Variants in SLC38A11 observed in about 807,000 individuals in gnomAD.
SLC38A11 encodes the protein putative sodium-coupled neutral amino acid transporter 11.
SLC38A11 carries 51 observed loss-of-function variants against 49.4 expected under a neutral mutation model. The ratio of observed to expected loss-of-function variants is 1.03; its 90% CI spans 0.83 to 1.30. SLC38A11 has a LOEUF of 1.30. Ranked by LOEUF, SLC38A11 falls within the 50% of genes most tolerant of loss-of-function variation. The probability of loss-of-function intolerance (pLI) is 0.00; values close to 1 mark genes in which losing one functional copy is unlikely to be tolerated. For missense variants in SLC38A11, 574 were observed against 556.2 expected (o/e 1.03, Z -0.32); for synonymous variants, 203 against 192.9 (o/e 1.05, Z -0.43).
At chr2:164,899,519 G>A (rs77783465) in intron 11 of SLC38A11, among the ~76,000 whole-genome samples, 2,304 of 152,072 alleles carry the variant, frequency 0.015, 58 homozygotes, top group African/African-American at 0.053. Context: ...TAGAAACTTA[G>A]CAAATAATAT....
At chr2:164,901,817 T>TC (rs1281576684) in intron 11 of SLC38A11, among the ~76,000 whole-genome samples, 9 of 152,116 alleles carry the variant, frequency 5.9e-5, no homozygotes, top group Admixed American at 5.9e-4. Context: ...AGAGTGGGTA[T>TC]CCTTACCTTT....
intron 9 of SLC38A11, among the ~76,000 whole-genome samples, chr2:164,912,594 T>G (rs548221982): frequency 6.6e-6 from 1 of 152,236 alleles, no homozygotes; most frequent in East Asian, 1.9e-4. Flanking sequence ...TAGGGTTTCA[T>G]CCCAACCTTG....
chr2:164,915,345 G>A, intron 8 of SLC38A11, 72 bp from the exon 9 acceptor site: 1 of 1,336,178 alleles, frequency 7.5e-7, no homozygotes, highest in Non-Finnish European at 1.0e-6. Context: ...GAAATTCAGA[G>A]ATATATACTA....
At chr2:164,910,058 A>G (rs1685291914) in intron 10 of SLC38A11, among the ~76,000 whole-genome samples, 1 of 152,002 alleles carries the variant, frequency 6.6e-6, no homozygotes, top group Non-Finnish European at 1.5e-5. Flanking sequence ...TGCTTTTATG[A>G]ATTGAAACAG....
At chr2:164,927,386 CAGTTTTTCAAAAGAG>C (rs1489721764) in intron 7 of SLC38A11, among the ~76,000 whole-genome samples, 2 of 152,126 alleles carry the variant, frequency 1.3e-5, no homozygotes, top group African/African-American at 4.8e-5. Flanking sequence ...CCAATTTCAG[CAGTTTTTCAAAAGAG>C]ATAATATGGA....
rs1687966361 is a variant in SLC38A11 at position 164,944,301 on chromosome 2, T to A, written c.430+268A>T. Among the ~76,000 whole-genome samples, 3 of 152,186 alleles carry A rather than the reference T, an allele frequency of 2.0e-5. No homozygotes were observed. In the South Asian group the frequency reaches 6.2e-4, roughly 32 times the overall value. ...AAATGTTTGCCCAGAGAGCTGGTGATATGAAGCATAAAAAATTTAAAATAT... is the reference window on the plus strand; with the variant it reads ...AAATGTTTGCCCAGAGAGCTGGTGAAATGAAGCATAAAAAATTTAAAATAT... On this transcript the variant is annotated intron_variant, in intron 5 of 11. Coordinates refer to ENST00000685975, the MANE Select transcript of SLC38A11 (RefSeq NM_001351537.2).
intron 5 of SLC38A11, among the ~76,000 whole-genome samples, chr2:164,940,756 A>G (rs1687711623): frequency 6.6e-6 from 1 of 150,568 alleles, no homozygotes; most frequent in Non-Finnish European, 1.5e-5. Flanking sequence ...TGATGTATAT[A>G]TATATGTGTA....
At chr2:164,930,020 T>C (rs1388624256) in intron 7 of SLC38A11, among the ~76,000 whole-genome samples, 1 of 148,206 alleles carries the variant, frequency 6.7e-6, no homozygotes, top group African/African-American at 2.5e-5. Flanking sequence ...CTAATAAAGA[T>C]GAAAAGCAAG....
intron 7 of SLC38A11, among the ~76,000 whole-genome samples, chr2:164,934,042 A>T (rs1687189474): frequency 6.6e-6 from 1 of 152,122 alleles, no homozygotes; most frequent in Admixed American, 6.6e-5. Flanking sequence ...TGACAACAGA[A>T]CTAAATAGCT....
intron 11 of SLC38A11, among the ~76,000 whole-genome samples, chr2:164,905,295 T>C (rs1359390072): frequency 1.3e-5 from 2 of 151,846 alleles, no homozygotes; most frequent in African/African-American, 2.4e-5. Flanking sequence ...TATTTTCTCT[T>C]TTTTTTGGTA....
At chr2:164,909,874 T>A (rs1685276773) in intron 10 of SLC38A11, among the ~76,000 whole-genome samples, 1 of 152,074 alleles carries the variant, frequency 6.6e-6, no homozygotes, top group African/African-American at 2.4e-5. Flanking sequence ...CTGCCATGAC[T>A]TTGCTAATAA....
intron 3 of SLC38A11, chr2:164,950,282 A>G (rs746974612): frequency 3.3e-5 from 5 of 152,176 alleles, no homozygotes; most frequent in Non-Finnish European, 7.3e-5. Context: ...TTTATATACA[A>G]TTTATATACT....
At chr2:164,949,756 C>T (rs1339520359) in intron 3 of SLC38A11, among the ~76,000 whole-genome samples, 2 of 152,162 alleles carry the variant, frequency 1.3e-5, no homozygotes, top group African/African-American at 4.8e-5. Context: ...GGTGTGAAAG[C>T]TTATTCTCTC....
chr2:164,902,658 TA>T (rs2105444343), intron 11 of SLC38A11, among the ~76,000 whole-genome samples: 1 of 152,266 alleles, frequency 6.6e-6, no homozygotes, highest in South Asian at 2.1e-4. Flanking sequence ...ATTGTACCTT[TA>T]AAATAGCTTT....
At position 164,901,517 on chromosome 2, in the gene SLC38A11, A is replaced by G. The variant is rs560015481; in HGVS notation, c.1096-2787T>C. Among the ~76,000 whole-genome samples the G allele has an allele frequency of 2.6e-5, 4 of 152,220 alleles. No homozygotes were observed. In the East Asian group the frequency reaches 5.8e-4, roughly 22 times the overall value. ...TTATTCCAGAGTATTTTTTGATGCTATCATAAATGATATTGTTTTCTTGAT... is the reference window on the plus strand; with the variant it reads ...TTATTCCAGAGTATTTTTTGATGCTGTCATAAATGATATTGTTTTCTTGAT... On this transcript the variant is annotated intron_variant, in intron 11 of 11. Coordinates refer to ENST00000685975, the MANE Select transcript of SLC38A11 (RefSeq NM_001351537.2).
At chr2:164,931,219 G>C (rs1486592014) in intron 7 of SLC38A11, among the ~76,000 whole-genome samples, 1 of 89,880 alleles carries the variant, frequency 1.1e-5, no homozygotes, top group Non-Finnish European at 2.0e-5. Context: ...TACAATGAGA[G>C]CAACAAAATA....
At chr2:164,914,587 T>C (rs1468853877) in intron 9 of SLC38A11, among the ~76,000 whole-genome samples, 1 of 151,660 alleles carries the variant, frequency 6.6e-6, no homozygotes, top group Non-Finnish European at 1.5e-5. Context: ...AACAATATGC[T>C]TGAGCCCGTT....
intron 3 of SLC38A11, among the ~76,000 whole-genome samples, chr2:164,951,568 G>C (rs1688524150): frequency 6.6e-6 from 1 of 152,136 alleles, no homozygotes; most frequent in South Asian, 2.1e-4. Flanking sequence ...CTCTAGCTTT[G>C]AATTTGAAAA....
Position 164,943,516 on chromosome 2 carries a change from T to C in SLC38A11, c.430+1053A>G, listed in dbSNP as rs183590739. ...CTCAAAAAAGCTACATATGGTATGA[T>C]GTCATTTACCTGGCATTCTGAAAAA... On this transcript the variant is annotated intron_variant, in intron 5 of 11. Transcript: ENST00000685975. Among the ~76,000 whole-genome samples, 337 of 152,322 alleles carry C rather than the reference T, an allele frequency of 2.2e-3. 1 individual carries two copies. The highest frequency in any genetic ancestry group is 4.2e-3 in the Non-Finnish European group (286 of 68,026).
Sources: gnomAD v4.1 joint callset for allele counts (sites outside exome capture counted in the v4.1 genomes callset) on GRCh38, gnomAD v4.1.1 for gene constraint, MANE v1.5 for transcripts, NCBI Gene and HGNC (gene_info 2026-07-23, HGNC 2026-07-21) for gene names.